Variants in AGPS observed in about 807,000 individuals in gnomAD.
AGPS encodes alkylglycerone phosphate synthase.
A neutral mutation model predicts 90.7 loss-of-function variants in AGPS; 26 were observed. The ratio of observed to expected loss-of-function variants is 0.29; its 90% CI spans 0.21 to 0.40. The LOEUF (loss-of-function observed/expected upper bound fraction) is 0.40, where lower values mean the gene tolerates loss of function less well. AGPS is among the 10% of genes least tolerant of loss of function. The probability of loss-of-function intolerance (pLI) is 1.00; values close to 1 mark genes in which losing one functional copy is unlikely to be tolerated. For synonymous variants in AGPS, 294 were observed against 285.3 expected (o/e 1.03, Z -0.31); for missense variants, 540 against 816.1 (o/e 0.66, Z 4.12).
At position 177,434,437 on chromosome 2, in the gene AGPS, T is replaced by C. The variant is rs1157702763; in HGVS notation, c.441+20T>C. On this transcript the variant is annotated intron_variant, in intron 3 of 19. Transcript: ENST00000264167. The stretch of plus-strand genomic sequence containing the variant: ...TCTAAAGTAAGCAAACAAAAATTAT[T>C]ACTAACTCATTTAACTGTGTTTTTA... The C allele has an allele frequency of 3.2e-6, 5 of 1,541,592 alleles. No homozygotes were observed. The Admixed American group carries it at 8.4e-5, about 26-fold the overall frequency.
intron 9 of AGPS, among the ~76,000 whole-genome samples, chr2:177,464,246 G>A (rs974327896): frequency 3.9e-5 from 6 of 151,984 alleles, no homozygotes; most frequent in South Asian, 2.1e-4. Flanking sequence ...CAGCCAGCAC[G>A]TTTTATTTTT....
At chr2:177,537,243 A>G (rs1559088956) in intron 19 of AGPS, among the ~76,000 whole-genome samples, 1 of 152,156 alleles carries the variant, frequency 6.6e-6, no homozygotes, top group Non-Finnish European at 1.5e-5. Flanking sequence ...CTTTCTTACA[A>G]AAGTTCTACT....
Position 177,540,069 on chromosome 2 carries a change from GTGTGTATA to G in AGPS, c.*1876_*1883del, listed in dbSNP as rs1186498222. 1.6e-5 allele frequency: 1 copy of G among 60,828 alleles called. No individual in the cohort carries two copies. The highest frequency in any genetic ancestry group is 4.0e-5 in the African/African-American group (1 of 25,304). The allele number at this position is 60,828 out of a possible 1,614,324, so 3.8% of individuals were successfully genotyped here. ...TATATATATATGTATGCATGTGTGTGTGTGTATATATATATATATATATATGTATATGT... is the reference window on the plus strand; with the variant it reads ...TATATATATATGTATGCATGTGTGTGTATATATATATATATATGTATATGT... On this transcript the variant is annotated 3_prime_UTR_variant, in exon 20 of 20. Coordinates refer to ENST00000264167, the MANE Select transcript of AGPS (RefSeq NM_003659.4).
At position 177,526,056 on chromosome 2, in the gene AGPS, A is replaced by G. The variant is rs143956842; in HGVS notation, c.1855+2251A>G. Among the ~76,000 whole-genome samples, 66 of 152,326 alleles carry G rather than the reference A, an allele frequency of 4.3e-4. No individual in the cohort carries two copies. The Middle Eastern group carries it at 0.01, about 24-fold the overall frequency. On this transcript the variant is annotated intron_variant, in intron 19 of 19. Transcript: ENST00000264167. ...TAATAGAATTAACCAACTCTAGTGC[A>G]AATCTGTTTGAAACCTGGATTTCAT...
At position 177,538,164 on chromosome 2, in the gene AGPS, A is replaced by G. The variant is rs754151191; in HGVS notation, c.1946A>G (p.Asn649Ser). The G allele has an allele frequency of 1.6e-5, 26 of 1,613,032 alleles. No homozygotes were observed. The Admixed American group carries it at 1.8e-4, about 11-fold the overall frequency. ...LKSVKEYVDP[N>S]NIFGNRNLL ...TCTGTCAAGGAATATGTGGACCCCA[A>G]TAACATCTTTGGAAACAGAAACCTT... Residue 649 changes from asparagine (N) to serine (S), a missense_variant, in exon 20 of 20, where the codon AAT becomes AGT. By Grantham distance (46) the Asn-to-Ser change is conservative (BLOSUM62 1). This residue lies in a region of AGPS where 405 missense variants were observed against 692.1 expected (regional missense o/e 0.59). Coordinates refer to ENST00000264167, the MANE Select transcript of AGPS (RefSeq NM_003659.4).
rs79212353 is a variant in AGPS at position 177,502,077 on chromosome 2, A to G, written c.1475+2347A>G. ...GAATCTTCTTTAAAATATGGCATCC[A>G]GCTGCCTTCAGATACTGACACTTAG... On this transcript the variant is annotated intron_variant, in intron 14 of 19. Transcript: ENST00000264167. 6.3e-3 allele frequency among the ~76,000 whole-genome samples: 958 copies of G among 152,324 alleles called. 11 individuals carry two copies. The highest frequency in any genetic ancestry group is 0.021 in the African/African-American group (865 of 41,572).
intron 1 of AGPS, among the ~76,000 whole-genome samples, chr2:177,408,825 G>A (rs1440474755): frequency 6.6e-6 from 1 of 152,164 alleles, no homozygotes; most frequent in African/African-American, 2.4e-5. Flanking sequence ...TTCAACAGAT[G>A]AGGCTTCTAT....
chr2:177,398,665 A>G (rs1051021772), intron 1 of AGPS, among the ~76,000 whole-genome samples: 12 of 152,226 alleles, frequency 7.9e-5, no homozygotes, highest in Admixed American at 7.9e-4. Context: ...ATGATCAAAT[A>G]CTTTGTCATA....
At chr2:177,477,693 T>G (rs1375848362) in intron 10 of AGPS, among the ~76,000 whole-genome samples, 1 of 152,212 alleles carries the variant, frequency 6.6e-6, no homozygotes, top group African/African-American at 2.4e-5. Flanking sequence ...TTACCCATTT[T>G]GTTTATCTTT....
intron 17 of AGPS, among the ~76,000 whole-genome samples, chr2:177,516,057 C>T (rs1241328086): frequency 1.3e-5 from 2 of 152,102 alleles, no homozygotes. Context: ...TACTCCAAAC[C>T]TCAGCATCAC....
intron 7 of AGPS, among the ~76,000 whole-genome samples, chr2:177,443,171 T>C (rs954508706): frequency 6.6e-6 from 1 of 152,210 alleles, no homozygotes; most frequent in Non-Finnish European, 1.5e-5. Context: ...CTCACATAAC[T>C]ATTATTATCA....
At chr2:177,497,021 A>G (rs900037605) in intron 12 of AGPS, among the ~76,000 whole-genome samples, 19 of 152,128 alleles carry the variant, frequency 1.2e-4, no homozygotes, top group Non-Finnish European at 2.5e-4. Context: ...AAATGTAGCA[A>G]TCATAGGAGT....
At chr2:177,430,396 G>C (rs957625374) in intron 2 of AGPS, among the ~76,000 whole-genome samples, 10 of 152,198 alleles carry the variant, frequency 6.6e-5, no homozygotes, top group Admixed American at 2.6e-4. Flanking sequence ...TCCTAGGGTG[G>C]AGTCTGTAAA....
At chr2:177,501,975 C>T (rs555146198) in intron 14 of AGPS, among the ~76,000 whole-genome samples, 23 of 152,220 alleles carry the variant, frequency 1.5e-4, no homozygotes, top group African/African-American at 5.5e-4. Context: ...TTTGAGCCAC[C>T]GACTGACATG....
intron 1 of AGPS, among the ~76,000 whole-genome samples, chr2:177,414,829 G>A (rs956006520): frequency 9.3e-5 from 14 of 151,066 alleles, no homozygotes; most frequent in African/African-American, 2.0e-4. Flanking sequence ...TTTGTGTGAG[G>A]CCTCTAATTT....
rs1380526506 is a variant in AGPS at position 177,454,513 on chromosome 2, TTGATTATTCACCCCATAA to T, written c.871-7372_871-7355del. On this transcript the variant is annotated intron_variant, in intron 8 of 19. Transcript: ENST00000264167. Reference sequence around the variant, plus strand: ...CGTCTGTGTTAGTTCTGGATTGGTTTTGATTATTCACCCCATAATGATTATGGGGTGTTTTCCCGCTTC... The same window carrying T: ...CGTCTGTGTTAGTTCTGGATTGGTTTTGATTATGGGGTGTTTTCCCGCTTC... 3.3e-5 allele frequency among the ~76,000 whole-genome samples: 5 copies of T among 151,818 alleles called. No homozygotes were observed. The South Asian group carries it at 8.3e-4, about 25-fold the overall frequency.
chr2:177,513,594 G>A (rs1419610180), intron 16 of AGPS, among the ~76,000 whole-genome samples: 1 of 152,002 alleles, frequency 6.6e-6, no homozygotes, highest in African/African-American at 2.4e-5. Context: ...GTGACTTTCT[G>A]TTTTCCTTAA....
At chr2:177,393,746 ATCTT>A (rs1559027848) in intron 1 of AGPS, among the ~76,000 whole-genome samples, 2 of 149,474 alleles carry the variant, frequency 1.3e-5, no homozygotes, top group African/African-American at 5.0e-5. Context: ...TTTTGGAGAA[ATCTT>A]TTTTTTTTTT....
chr2:177,533,836 T>C lies in AGPS; in HGVS notation c.1856-4238T>C, dbSNP rs146396692. ...GATCACTCGTATAAGCAGCTAAGTC[T>C]GGGTTTTCTTCTTAAAATCTGACCT... On this transcript the variant is annotated intron_variant, in intron 19 of 19. Transcript: ENST00000264167. Among the ~76,000 whole-genome samples, 183 of 152,296 alleles carry C rather than the reference T, an allele frequency of 1.2e-3. 1 individual carries two copies. In the East Asian group the frequency reaches 0.018, roughly 15 times the overall value.
Sources: allele counts gnomAD v4.1 joint callset (sites outside exome capture counted in the v4.1 genomes callset), GRCh38; gene constraint gnomAD v4.1.1; regional missense constraint gnomAD v4.1.1; transcripts MANE v1.5; gene names NCBI Gene and HGNC (gene_info 2026-07-23, HGNC 2026-07-21).